Variants in BEAN1 observed in about 807,000 individuals in gnomAD.
The protein encoded by BEAN1 is brain expressed associated with NEDD4 1.
In BEAN1, 17 loss-of-function variants were observed where a neutral mutation model predicts 17.7. That is an observed-to-expected ratio of 0.96 (90% confidence interval 0.66 to 1.44). The LOEUF is 1.44. Among genes scored for constraint, BEAN1 ranks in the 40% most tolerant of loss-of-function variants. BEAN1 has a pLI of 0.00. For synonymous variants in BEAN1, 142 were observed against 151.8 expected (o/e 0.94, Z 0.47); for missense variants, 359 against 374.1 (o/e 0.96, Z 0.33).
chr16:66,490,466 A>ATAAAATAAAATAAAATAAAAT (rs1239766571), intron 4 of BEAN1, among the ~76,000 whole-genome samples: 1 of 148,952 alleles, frequency 6.7e-6, no homozygotes, highest in Non-Finnish European at 1.5e-5. Flanking sequence ...ATAAAATAAA[A>ATAAAATAAAATAAAATAAAAT]AGAAACCTCT....
At chr16:66,474,704 G>GA (rs916149702) in intron 3 of BEAN1, among the ~76,000 whole-genome samples, 3 of 143,372 alleles carry the variant, frequency 2.1e-5, no homozygotes, top group African/African-American at 5.2e-5. Flanking sequence ...AGAAGAGAGA[G>GA]AAAAAAAGGA....
intron 2 of BEAN1, among the ~76,000 whole-genome samples, chr16:66,468,853 C>T (rs1008255301): frequency 5.9e-5 from 9 of 152,124 alleles, no homozygotes; most frequent in Non-Finnish European, 1.2e-4. Context: ...CTAAGTCACC[C>T]GTCCCCAGGA....
In BEAN1 at chr16:66,469,821, A is replaced by C; in HGVS notation, c.245A>C (p.His82Pro). 6.7e-7 allele frequency: 1 copy of C among 1,498,214 alleles called. No homozygotes were observed. Among genetic ancestry groups the C allele is most frequent in the East Asian group, 2.5e-5 (1 of 39,568 alleles). The allele number at this position is 1,498,214 out of a possible 1,614,324, so 92.8% of individuals were successfully genotyped here. A position where few individuals can be genotyped will look rare whatever the true frequency, so the allele number is the denominator to read the frequency against. ...HRHHRHHHHH[H>P]HHRRRRHREY... is the part of the protein sequence containing the mutation. ...CACCACCGCCACCACCACCACCATC[A>C]TCACCACCGCCGGCGTCGACACCGA... The change falls in exon 3 of 5, where the codon CAT becomes CCT. Residue 82 changes from histidine to proline, a missense_variant. By Grantham distance (77) the His-to-Pro change is moderately conservative. Transcript: ENST00000536005.
chr16:66,445,959 G>A (rs1467535450), intron 2 of BEAN1, among the ~76,000 whole-genome samples: 1 of 152,140 alleles, frequency 6.6e-6, no homozygotes, highest in Non-Finnish European at 1.5e-5. Context: ...GAGGACGATG[G>A]ATCACCTGAG....
chr16:66,486,810 C>T (rs527963358), downstream of BEAN1, among the ~76,000 whole-genome samples: 4 of 152,302 alleles, frequency 2.6e-5, no homozygotes, highest in South Asian at 4.1e-4. Flanking sequence ...TCAGTCTGAG[C>T]GATGACCCCA....
chr16:66,452,217 G>A (rs1284186759), intron 2 of BEAN1, among the ~76,000 whole-genome samples: 1 of 152,166 alleles, frequency 6.6e-6, no homozygotes, highest in East Asian at 1.9e-4. Flanking sequence ...CTCTCGTCCT[G>A]CCTACTGAAG....
intron 1 of BEAN1, among the ~76,000 whole-genome samples, chr16:66,429,524 G>T (rs1404863277): frequency 2.0e-5 from 3 of 152,266 alleles, no homozygotes; most frequent in Non-Finnish European, 4.4e-5. Context: ...GTTGGTCCCT[G>T]GCCACCTGTG....
chr16:66,479,601 G>C (rs568008047), intron 4 of BEAN1, among the ~76,000 whole-genome samples: 1 of 152,188 alleles, frequency 6.6e-6, no homozygotes, highest in South Asian at 2.1e-4. Context: ...CACCTTCCGA[G>C]ACCTCCCAGG....
At chr16:66,443,974 C>T (rs1410537738) in intron 2 of BEAN1, among the ~76,000 whole-genome samples, 1 of 152,220 alleles carries the variant, frequency 6.6e-6, no homozygotes, top group Non-Finnish European at 1.5e-5. Flanking sequence ...CTGCACCCAG[C>T]CCGCTCATCT....
At chr16:66,429,269 T>C (rs1392279989) in intron 1 of BEAN1, among the ~76,000 whole-genome samples, 1 of 152,166 alleles carries the variant, frequency 6.6e-6, no homozygotes, top group Non-Finnish European at 1.5e-5. Context: ...AACTGGGCCA[T>C]GAGGCACCAG....
rs1274772789 is a variant in BEAN1 at position 66,492,973 on chromosome 16, G to A, written c.159G>A (p.Gly53=). The stretch of plus-strand genomic sequence containing the variant: ...CTTGTCTGTTCTAGATGTACACTGG[G>A]AGCTTTACCTACTGGGTGCGATCTA... Residue 53 remains glycine, a synonymous_variant, in exon 5 of 5, where the codon GGG becomes GGA. Coordinates refer to the BEAN1 transcript ENST00000561796. 5.7e-6 allele frequency: 4 copies of A among 702,822 alleles called. No individual in the cohort carries two copies. In the South Asian group the frequency reaches 5.9e-5, roughly 10 times the overall value. The allele number at this position is 702,822 out of a possible 1,614,324, so 43.5% of individuals were successfully genotyped here.
intron 2 of BEAN1, among the ~76,000 whole-genome samples, chr16:66,439,765 G>GGAGGA (rs1377937009): frequency 1.3e-5 from 2 of 152,150 alleles, no homozygotes; most frequent in Non-Finnish European, 2.9e-5. Flanking sequence ...AGGAGCTAGA[G>GGAGGA]GCCATTGTCA....
intron 2 of BEAN1, among the ~76,000 whole-genome samples, chr16:66,441,503 T>C (rs1962255441): frequency 1.3e-5 from 2 of 152,210 alleles, no homozygotes; most frequent in African/African-American, 4.8e-5. Flanking sequence ...CATGTGAAGA[T>C]ACTGAAGCCC....
chr16:66,462,209 G>C (rs1055184819), intron 2 of BEAN1, among the ~76,000 whole-genome samples: 3 of 152,160 alleles, frequency 2.0e-5, no homozygotes, highest in Non-Finnish European at 4.4e-5. Context: ...TTGCCTACAA[G>C]AAAAAGATGG....
At chr16:66,461,901 T>G (rs1222842463) in intron 2 of BEAN1, among the ~76,000 whole-genome samples, 1 of 151,904 alleles carries the variant, frequency 6.6e-6, no homozygotes, top group Non-Finnish European at 1.5e-5. Context: ...GCAATCAGAG[T>G]GGCCATTGGC....
At chr16:66,487,781 C>CATGCCCCATCAGCCCACCT (rs1712571460), downstream of BEAN1, among the ~76,000 whole-genome samples, 1 of 152,174 alleles carries the variant, frequency 6.6e-6, no homozygotes, top group Admixed American at 6.5e-5. Flanking sequence ...TCAGGACCCC[C>CATGCCCCATCAGCCCACCT]ATGCCCCATC....
At chr16:66,450,231 G>A (rs1007309188) in intron 2 of BEAN1, among the ~76,000 whole-genome samples, 3 of 152,186 alleles carry the variant, frequency 2.0e-5, no homozygotes, top group East Asian at 1.9e-4. Flanking sequence ...TACGAGAGCC[G>A]TGGGGATGGC....
intron 4 of BEAN1, among the ~76,000 whole-genome samples, chr16:66,479,798 G>A (rs1007074438): frequency 1.3e-5 from 2 of 152,114 alleles, no homozygotes; most frequent in African/African-American, 4.8e-5. Context: ...AGAAAGGACA[G>A]GTGGAGCTTG....
At chr16:66,449,178 A>G (rs1962571976) in intron 2 of BEAN1, among the ~76,000 whole-genome samples, 1 of 152,136 alleles carries the variant, frequency 6.6e-6, no homozygotes, top group Non-Finnish European at 1.5e-5. Flanking sequence ...GTTTTCTTTC[A>G]GGTCTGGCTA....
Sources: allele counts gnomAD v4.1 joint callset (sites outside exome capture counted in the v4.1 genomes callset), GRCh38; gene constraint gnomAD v4.1.1; transcripts MANE v1.5; gene names NCBI Gene and HGNC (gene_info 2026-07-23, HGNC 2026-07-21).